Variants in AFF3 observed in about 807,000 individuals in gnomAD.
AFF3 encodes AF4/FMR2 family member 3.
Under a neutral mutation model 129.7 loss-of-function variants are expected in AFF3, and 32 were observed. That is an observed-to-expected ratio of 0.25 (90% CI 0.19 to 0.33). The LOEUF is 0.33. Among genes scored for constraint, AFF3 ranks in the 10% least tolerant of loss-of-function variants. The pLI, the probability that AFF3 is intolerant of heterozygous loss-of-function variation, is 1.00. For missense variants in AFF3, 1,373 were observed against 1,592.0 expected (o/e 0.86, Z 2.34); for synonymous variants, 644 against 635.4 (o/e 1.01, Z -0.20).
At chr2:99,797,904 G>A (rs1353293554) in intron 8 of AFF3, among the ~76,000 whole-genome samples, 1 of 152,136 alleles carries the variant, frequency 6.6e-6, no homozygotes, top group Non-Finnish European at 1.5e-5. Flanking sequence ...TATGGAAAAT[G>A]TTAAAGGAAG....
At chr2:99,934,300 C>G (rs1282193891) in intron 7 of AFF3, among the ~76,000 whole-genome samples, 1 of 152,092 alleles carries the variant, frequency 6.6e-6, no homozygotes, top group Non-Finnish European at 1.5e-5. Context: ...AACACTGACC[C>G]GACAAATGGG....
At chr2:99,686,235 T>A (rs1675048065) in intron 11 of AFF3, among the ~76,000 whole-genome samples, 1 of 152,066 alleles carries the variant, frequency 6.6e-6, no homozygotes, top group African/African-American at 2.4e-5. Context: ...ACTTTCTGAC[T>A]TTCCTATTTT....
chr2:99,554,280 G>A (rs772809824), intron 24 of AFF3, 31 bp downstream of exon 24: 1 of 1,610,036 alleles, frequency 6.2e-7, no homozygotes, highest in Non-Finnish European at 8.5e-7. Flanking sequence ...GGAGGCGGAA[G>A]CCCCTGGTTC....
At chr2:100,054,575 T>C (rs1477691177) in intron 4 of AFF3, among the ~76,000 whole-genome samples, 1 of 152,214 alleles carries the variant, frequency 6.6e-6, no homozygotes, top group African/African-American at 2.4e-5. Context: ...GAACTGGAAC[T>C]CACACCACTG....
chr2:99,804,318 A>C (rs1686178062), intron 8 of AFF3, among the ~76,000 whole-genome samples: 1 of 152,238 alleles, frequency 6.6e-6, no homozygotes, highest in Non-Finnish European at 1.5e-5. Context: ...ACAAATGGCC[A>C]AAAAATATAT....
chr2:100,010,231 T>C (rs1682392309), intron 4 of AFF3, among the ~76,000 whole-genome samples: 1 of 152,122 alleles, frequency 6.6e-6, no homozygotes. Context: ...AATAAAAGGA[T>C]CTGTGGGTTC....
intron 12 of AFF3, among the ~76,000 whole-genome samples, chr2:99,660,506 G>A (rs1270026922): frequency 1.3e-5 from 2 of 152,130 alleles, no homozygotes; most frequent in Non-Finnish European, 2.9e-5. Context: ...TGTTATTATT[G>A]TTATCAGGAT....
In AFF3 at chr2:99,587,238, T is replaced by C. The variant is rs768146332; in HGVS notation, c.2507A>G (p.Gln836Arg). 6.2e-7 allele frequency: 1 copy of C among 1,614,168 alleles called. No homozygotes were observed. The highest frequency in any genetic ancestry group is 1.3e-5 in the African/African-American group (1 of 75,056). Residue 836 changes from glutamine (Q) to arginine (R), a missense_variant, in exon 16 of 25, where the codon CAG becomes CGG. Coordinates refer to ENST00000672756, the MANE Select transcript of AFF3 (RefSeq NM_001386135.1). ...EDDYREIKKSQGEKDSSSRLA... is the reference protein window; with the variant it reads ...EDDYREIKKSRGEKDSSSRLA... ...TCTTGAAGAGCTGTCTTTCTCTCCC[T>C]GGGACTTCTTGATCTCCCTGTAGTC...
chr2:99,703,987 T>C (rs1201799989), intron 11 of AFF3, among the ~76,000 whole-genome samples: 2 of 152,266 alleles, frequency 1.3e-5, no homozygotes, highest in Non-Finnish European at 2.9e-5. Context: ...CACAGCTTAC[T>C]GGTGTCAATG....
intron 11 of AFF3, among the ~76,000 whole-genome samples, chr2:99,691,818 G>A (rs1231124069): frequency 6.6e-6 from 1 of 152,180 alleles, no homozygotes; most frequent in Non-Finnish European, 1.5e-5. Flanking sequence ...ATAGGATTAG[G>A]TCAGGAGGAA....
intron 7 of AFF3, among the ~76,000 whole-genome samples, chr2:99,928,247 A>T (rs1012709533): frequency 1.3e-5 from 2 of 152,234 alleles, no homozygotes; most frequent in Non-Finnish European, 2.9e-5. Flanking sequence ...CAGATGTACT[A>T]ATATGGGAAG....
At chr2:99,732,347 C>CAA (rs35379808) in intron 10 of AFF3, among the ~76,000 whole-genome samples, 9,143 of 74,758 alleles carry the variant, frequency 0.12, 1,179 homozygotes, top group African/African-American at 0.35. Context: ...GACTCTGTCT[C>CAA]AAAAAAAAAA....
chr2:99,644,480 T>C (rs1460109849), intron 13 of AFF3, among the ~76,000 whole-genome samples: 1 of 152,240 alleles, frequency 6.6e-6, no homozygotes, highest in African/African-American at 2.4e-5. Flanking sequence ...GCTTGAGGTT[T>C]CACAGAAAAT....
intron 1 of AFF3, among the ~76,000 whole-genome samples, chr2:100,136,539 C>T (rs955375429): frequency 6.6e-6 from 1 of 152,216 alleles, no homozygotes; most frequent in African/African-American, 2.4e-5. Context: ...AGGGGCTTTT[C>T]CCATATTCTA....
At chr2:99,627,617 C>T (rs1008558769) in intron 13 of AFF3, among the ~76,000 whole-genome samples, 2 of 152,094 alleles carry the variant, frequency 1.3e-5, no homozygotes, top group African/African-American at 4.8e-5. Flanking sequence ...ATTGCAATTG[C>T]TTTTGGCATC....
At chr2:99,821,762 G>C (rs191350904) in intron 8 of AFF3, among the ~76,000 whole-genome samples, 1 of 152,176 alleles carries the variant, frequency 6.6e-6, no homozygotes, top group Non-Finnish European at 1.5e-5. Context: ...GTAATGCCTT[G>C]TGCTATGACC....
At chr2:99,867,921 C>G (rs938276988) in intron 7 of AFF3, among the ~76,000 whole-genome samples, 1 of 152,174 alleles carries the variant, frequency 6.6e-6, no homozygotes, top group African/African-American at 2.4e-5. Flanking sequence ...TAATCACGCC[C>G]CTGGGCGAGG....
At chr2:99,751,253 C>T (rs560114732) in intron 9 of AFF3, among the ~76,000 whole-genome samples, 1 of 152,232 alleles carries the variant, frequency 6.6e-6, no homozygotes, top group South Asian at 2.1e-4. Flanking sequence ...ACCACCATGC[C>T]TGGCTAATTT....
At chr2:99,578,254 C>A in intron 18 of AFF3, 73 bp downstream of exon 18, 3 of 1,490,606 alleles carry the variant, frequency 2.0e-6, no homozygotes, top group Non-Finnish European at 2.7e-6. Flanking sequence ...CACCAAGGTG[C>A]CCATGCCCCT....
Sources: allele counts gnomAD v4.1 joint callset (sites outside exome capture counted in the v4.1 genomes callset), GRCh38; gene constraint gnomAD v4.1.1; transcripts MANE v1.5; gene names NCBI Gene and HGNC (gene_info 2026-07-23, HGNC 2026-07-21).